The following HHLA1 variants were observed in gnomAD, a reference collection of about 807,000 sequenced individuals.
The protein encoded by HHLA1 is HHLA1 neighbor of OC90, also known as HERV-H LTR-associating protein 1.
Under a neutral mutation model 69.9 loss-of-function variants are expected in HHLA1, and 72 were observed. The ratio of observed to expected loss-of-function variants is 1.03; its 90% CI spans 0.85 to 1.25. The LOEUF is 1.25. Ranked by LOEUF, HHLA1 falls within the 50% of genes most tolerant of loss-of-function variation. The probability of loss-of-function intolerance (pLI) is 0.00; values close to 1 mark genes in which losing one functional copy is unlikely to be tolerated. For missense variants in HHLA1, 685 were observed against 642.2 expected, an observed-to-expected ratio of 1.07 and a Z score of -0.72; for synonymous variants, 252 against 233.2, an observed-to-expected ratio of 1.08 and a Z score of -0.73.
At chr8:132,098,328 G>C (rs530177260) in intron 5 of HHLA1, among the ~76,000 whole-genome samples, 15 of 152,150 alleles carry the variant, frequency 9.9e-5, no homozygotes, top group Non-Finnish European at 1.5e-4. Context: ...TAATCAATGA[G>C]TAATTATTGT....
At chr8:132,078,855 T>C (rs1187050165) in intron 11 of HHLA1, among the ~76,000 whole-genome samples, 9 of 152,344 alleles carry the variant, frequency 5.9e-5, no homozygotes. Context: ...ATGACAATAT[T>C]GTCTCAGTGG....
intron 10 of HHLA1, 104 bp from the exon 11 acceptor site, chr8:132,080,070 C>A: frequency 1.1e-5 from 15 of 1,401,372 alleles, no homozygotes; most frequent in African/African-American, 1.4e-5. Flanking sequence ...GAGATTCAAA[C>A]CTTTCTCTAA....
intron 15 of HHLA1, among the ~76,000 whole-genome samples, chr8:132,070,701 C>A (rs1004359110): frequency 3.9e-5 from 6 of 151,992 alleles, no homozygotes; most frequent in Admixed American, 2.0e-4. Flanking sequence ...CTCAACTCAT[C>A]TCAACTCAAC....
chr8:132,068,776 A>G (rs1823481896), intron 15 of HHLA1, among the ~76,000 whole-genome samples: 1 of 152,160 alleles, frequency 6.6e-6, no homozygotes, highest in Non-Finnish European at 1.5e-5. Context: ...GAGGTAGCAA[A>G]ATTTGTAAGT....
rs1395969244 is a variant in HHLA1 at position 132,071,504 on chromosome 8, C to A, written c.1316-11G>T. 3.9e-6 allele frequency: 6 copies of A among 1,550,040 alleles called. No individual in the cohort carries two copies. Among genetic ancestry groups the A allele is most frequent in the East Asian group, 4.9e-5 (2 of 40,928 alleles). ...GTGGCTGAGGACACCCTAGAAGATG[C>A]AATCCCAGACCAATTAAATCAGTAA... On this transcript the variant is annotated splice_polypyrimidine_tract_variant and intron_variant, in intron 14 of 16. Coordinates refer to ENST00000414222, the MANE Select transcript of HHLA1 (RefSeq NM_001145095.3).
At chr8:132,072,670 C>T (rs1300362108) in intron 14 of HHLA1, among the ~76,000 whole-genome samples, 3 of 152,044 alleles carry the variant, frequency 2.0e-5, no homozygotes, top group Non-Finnish European at 4.4e-5. Flanking sequence ...TACTGAATAC[C>T]CTTTTAATGC....
At chr8:132,102,288 T>C (rs1824122571) in intron 3 of HHLA1, among the ~76,000 whole-genome samples, 1 of 152,260 alleles carries the variant, frequency 6.6e-6, no homozygotes, top group South Asian at 2.1e-4. Flanking sequence ...TGATACCATG[T>C]TGAAACTGAG....
chr8:132,071,184 A>G (rs1397462324), intron 15 of HHLA1, among the ~76,000 whole-genome samples, 156 bp downstream of exon 15: 1 of 152,222 alleles, frequency 6.6e-6, no homozygotes, highest in African/African-American at 2.4e-5. Context: ...ACTGTCTAGT[A>G]AAGGACTCAC....
At chr8:132,094,831 G>A (rs1272565743) in intron 7 of HHLA1, among the ~76,000 whole-genome samples, 1 of 152,210 alleles carries the variant, frequency 6.6e-6, no homozygotes, top group Non-Finnish European at 1.5e-5. Context: ...CTAGAAGAGT[G>A]CATGGGTCAT....
chr8:132,101,064 A>G, intron 3 of HHLA1: 1 of 1,167,016 alleles, frequency 8.6e-7, no homozygotes, highest in South Asian at 2.3e-5. Context: ...AAAAAAAGCT[A>G]GTATCACATG....
chr8:132,092,109 G>A (rs2130892691), intron 7 of HHLA1, among the ~76,000 whole-genome samples: 1 of 152,262 alleles, frequency 6.6e-6, no homozygotes. Context: ...GTTTTTTTAA[G>A]ACATATGGGT....
At chr8:132,107,691 T>C (rs1824226805) in intron 1 of HHLA1, among the ~76,000 whole-genome samples, 1 of 152,244 alleles carries the variant, frequency 6.6e-6, no homozygotes, top group South Asian at 2.1e-4. Context: ...GGTTTTTTAA[T>C]TCTTTGTCAT....
intron 10 of HHLA1, among the ~76,000 whole-genome samples, chr8:132,083,219 A>G (rs1402853689): frequency 2.0e-5 from 3 of 152,094 alleles, no homozygotes; most frequent in Non-Finnish European, 4.4e-5. Flanking sequence ...TAATAAGGGA[A>G]ATGCACAGGT....
intron 10 of HHLA1, among the ~76,000 whole-genome samples, chr8:132,086,147 G>A (rs1004489245): frequency 1.3e-5 from 2 of 152,154 alleles, no homozygotes; most frequent in East Asian, 3.9e-4. Flanking sequence ...AAGAAAAGAA[G>A]GAAGTGGGCT....
At chr8:132,107,209 T>C (rs1824215797) in intron 1 of HHLA1, among the ~76,000 whole-genome samples, 1 of 152,190 alleles carries the variant, frequency 6.6e-6, no homozygotes. Flanking sequence ...ATTTATATAA[T>C]AGCTACAAAT....
rs1285954599 is a variant in HHLA1 at position 132,095,526 on chromosome 8, G to C, written c.441C>G (p.Asp147Glu). 6.5e-7 allele frequency: 1 copy of C among 1,547,204 alleles called. No individual in the cohort carries two copies. Among genetic ancestry groups the C allele is most frequent in the Non-Finnish European group, 8.8e-7 (1 of 1,142,792 alleles). Residue 147 changes from aspartate to glutamate, a missense_variant, in exon 7 of 17, where the codon GAC becomes GAG. Physicochemically the swap from Asp to Glu is conservative, Grantham distance 45. Transcript: ENST00000414222. ...ATGGTAAGCTGTACCCACCTGATAA[G>C]TCATTGGTCCGATTGTTTAAACAGT... is the stretch of plus-strand genomic sequence containing the variant. ...YCYCLNNRTNDLSDFTALLVD... is the reference protein window; with the variant it reads ...YCYCLNNRTNELSDFTALLVD...
intron 4 of HHLA1, among the ~76,000 whole-genome samples, chr8:132,099,398 T>A (rs1824078268): frequency 6.6e-6 from 1 of 152,258 alleles, no homozygotes. Context: ...TACATTTTTT[T>A]AATTACACAA....
At chr8:132,086,783 G>A (rs1004694765) in intron 10 of HHLA1, among the ~76,000 whole-genome samples, 1 of 152,162 alleles carries the variant, frequency 6.6e-6, no homozygotes, top group African/African-American at 2.4e-5. Flanking sequence ...ACAAACTGAG[G>A]TTCCTTCCAT....
intron 12 of HHLA1, among the ~76,000 whole-genome samples, chr8:132,076,939 G>A (rs1022650814): frequency 2.9e-4 from 44 of 152,006 alleles, no homozygotes; most frequent in Admixed American, 2.6e-3. Flanking sequence ...TCCCACCCCC[G>A]ACAAATTGCC....
Sources: gnomAD v4.1 joint callset for allele counts (sites outside exome capture counted in the v4.1 genomes callset) on GRCh38, gnomAD v4.1.1 for gene constraint, MANE v1.5 for transcripts, NCBI Gene and HGNC (gene_info 2026-07-23, HGNC 2026-07-21) for gene names.